The following TRIM42 variants were observed in gnomAD, a reference collection of about 807,000 sequenced individuals.
TRIM42 encodes tripartite motif-containing protein 42.
In TRIM42, 59 loss-of-function variants were observed where a neutral mutation model predicts 64.9. The observed-to-expected ratio is 0.91, with a 90% CI of 0.74 to 1.13. TRIM42 has a LOEUF of 1.13. TRIM42 is among the 50% of genes most tolerant of loss of function. The pLI, the probability that TRIM42 is intolerant of heterozygous loss-of-function variation, is 0.00. For synonymous variants in TRIM42, 354 were observed against 346.3 expected (o/e 1.02, Z -0.25); for missense variants, 878 against 929.5 (o/e 0.94, Z 0.72).
Position 140,688,272 on chromosome 3 carries a change from GC to G in TRIM42, c.1591del (p.His531ThrfsTer71), listed in dbSNP as rs778876740. 6.2e-7 allele frequency: 1 copy of G among 1,614,162 alleles called. No individual in the cohort carries two copies. The highest frequency in any genetic ancestry group is 8.5e-7 in the Non-Finnish European group (1 of 1,180,028). On this transcript the variant is annotated frameshift_variant, in exon 3 of 5. Transcript: ENST00000286349. LOFTEE classifies it high-confidence loss of function. Reference protein sequence around the residue: ...TFSTHSLGNQHIYQRSSSMLS... With the variant: ...TFSTHSLGNQXIYQRSSSMLS... ...TCAGCACCCACAGCCTCGGCAACCA[GC>G]ACATATACCAGCGAAGCTCCTCCAT... is the stretch of plus-strand genomic sequence containing the variant.
intron 4 of TRIM42, 57 bp from the exon 5 acceptor site, chr3:140,700,831 C>T (rs529099535): frequency 1.3e-6 from 2 of 1,529,082 alleles, no homozygotes; most frequent in East Asian, 2.3e-5. Context: ...CAGAAGGGCC[C>T]AGGCTACTGG....
intron 4 of TRIM42, among the ~76,000 whole-genome samples, chr3:140,697,864 T>C (rs914162937): frequency 3.3e-5 from 5 of 152,136 alleles, no homozygotes; most frequent in African/African-American, 1.2e-4. Context: ...TTTGTATTTT[T>C]AGTAGACACG....
intron 3 of TRIM42, 32 bp downstream of exon 3, chr3:140,688,574 G>A: frequency 6.5e-7 from 1 of 1,545,360 alleles, no homozygotes; most frequent in Non-Finnish European, 8.8e-7. Context: ...GTGGGGAAGT[G>A]GGAGGGTGTG....
rs138969036 is a variant in TRIM42 at position 140,684,164 on chromosome 3, A to G, written c.1039+1005A>G. Among the ~76,000 whole-genome samples the G allele has an allele frequency of 1.9e-3, 292 of 152,304 alleles. 2 individuals carry two copies. The highest frequency in any genetic ancestry group is 6.9e-3 in the African/African-American group (288 of 41,560). ...ATCTCAATAATGCTACAGTACAGGC[A>G]TTAAAATGTCCTCCATGGATAAGAC... On this transcript the variant is annotated intron_variant, in intron 2 of 4. Transcript: ENST00000286349.
chr3:140,680,376 ATCT>A (rs1178893511), intron 1 of TRIM42, among the ~76,000 whole-genome samples: 1 of 151,576 alleles, frequency 6.6e-6, no homozygotes, highest in Non-Finnish European at 1.5e-5. Context: ...CTCCATCTTA[ATCT>A]TTTTGTCACT....
At position 140,687,829 on chromosome 3, in the gene TRIM42, T is replaced by C. The variant is rs1409942178; in HGVS notation, c.1147T>C (p.Leu383=). The part of the protein sequence containing the change: ...RKEIRNGFLK[L]RSILQEKEKI... ...AGAGATCAGAAATGGCTTTCTCAAG[T>C]TGCGCAGCATTCTTCAGGAGAAAGA... The change falls in exon 3 of 5, where the codon TTG becomes CTG. Residue 383 remains leucine (L), a synonymous_variant. Coordinates refer to ENST00000286349, the MANE Select transcript of TRIM42 (RefSeq NM_152616.5). 2.5e-6 allele frequency: 4 copies of C among 1,614,108 alleles called. No homozygotes were observed. The highest frequency in any genetic ancestry group is 3.3e-5 in the Admixed American group (2 of 60,012).
chr3:140,683,489 A>G (rs1185089194), intron 2 of TRIM42, among the ~76,000 whole-genome samples: 1 of 152,212 alleles, frequency 6.6e-6, no homozygotes, highest in Non-Finnish European at 1.5e-5. Flanking sequence ...TAAAGATTCT[A>G]TAATCTTGAT....
intron 3 of TRIM42, among the ~76,000 whole-genome samples, chr3:140,690,102 G>A (rs556440293): frequency 1.3e-5 from 2 of 152,222 alleles, no homozygotes; most frequent in Admixed American, 6.5e-5. Flanking sequence ...TCATATTTTA[G>A]GATAATGGAA....
rs768337845 is a variant in TRIM42 at position 140,684,627 on chromosome 3, A to G, written c.1039+1468A>G. Among the ~76,000 whole-genome samples the G allele has an allele frequency of 2.0e-5, 3 of 152,144 alleles. 1 individual carries two copies. Among genetic ancestry groups the G allele is most frequent in the South Asian group, 2.1e-4 (1 of 4,822 alleles). On this transcript the variant is annotated intron_variant, in intron 2 of 4. Transcript: ENST00000286349. ...TTCAGGAATACCTTAATTTTTCTCA[A>G]TGGCCACATACCTGGAAACCTTGCT...
At chr3:140,694,688 C>A (rs1988804339) in intron 4 of TRIM42, among the ~76,000 whole-genome samples, 3 of 152,214 alleles carry the variant, frequency 2.0e-5, no homozygotes. Flanking sequence ...CCAAATGGGT[C>A]TCACTGGGTA....
rs61746494 is a variant in TRIM42, at chr3:140,678,569, T to A, written c.340T>A (p.Ser114Thr). 1.4e-3 allele frequency: 2,330 copies of A among 1,609,722 alleles called. 28 individuals carry two copies. The African/African-American group carries it at 0.028, about 20-fold the overall frequency. ...GGGCCGCCTCAGGAGCATCCATACC[T>A]CGTAAGTGCCAGGCACCAGATGTGG... ...HKGRLRSIHT[S>T]SKTALRTGSS... Residue 114 changes from serine (S) to threonine (T), a missense_variant and splice_region_variant, in exon 1 of 5, where the codon TCC (serine) becomes ACC (threonine). Transcript: ENST00000286349.
chr3:140,680,793 G>A, intron 1 of TRIM42: 2 of 704,690 alleles, frequency 2.8e-6, no homozygotes, highest in Non-Finnish European at 3.5e-6. Context: ...TATACACAGG[G>A]AGCATTCTCT....
chr3:140,681,958 C>T (rs1248765312), intron 1 of TRIM42, among the ~76,000 whole-genome samples: 3 of 151,022 alleles, frequency 2.0e-5, no homozygotes, highest in Admixed American at 6.6e-5. Flanking sequence ...ATTTAGACAA[C>T]GTTCTTGTCG....
At position 140,678,268 on chromosome 3, in the gene TRIM42, A is replaced by T. The variant is rs1409885711; in HGVS notation, c.39A>T (p.Thr13=). 1 of 1,614,034 alleles carries T rather than the reference A, an allele frequency of 6.2e-7. No homozygotes were observed. The highest frequency in any genetic ancestry group is 8.5e-7 in the Non-Finnish European group (1 of 1,180,022). The part of the protein sequence containing the change: ...TAMCVCCPCC[T]WQRCCPQLCS... ...TGTGCGTTTGCTGTCCATGTTGTAC[A>T]TGGCAGAGATGTTGTCCTCAGTTAT... The change falls in exon 1 of 5, where the codon ACA becomes ACT. Residue 13 remains threonine, a synonymous_variant. Coordinates refer to ENST00000286349, the MANE Select transcript of TRIM42 (RefSeq NM_152616.5).
chr3:140,695,883 G>A lies in TRIM42; in HGVS notation c.2085+4691G>A, dbSNP rs992302891. On this transcript the variant is annotated intron_variant, in intron 4 of 4. Coordinates refer to ENST00000286349, the MANE Select transcript of TRIM42 (RefSeq NM_152616.5). ...CCACCCACACACTCACAGTGACTCCGTGCCCTAAAATGAAACCAAGATGGT... is the reference window on the plus strand; with the variant it reads ...CCACCCACACACTCACAGTGACTCCATGCCCTAAAATGAAACCAAGATGGT... Among the ~76,000 whole-genome samples the A allele has an allele frequency of 2.6e-5, 4 of 152,116 alleles. No individual in the cohort carries two copies. In the East Asian group the frequency reaches 5.8e-4, roughly 22 times the overall value.
rs752919659 is a variant in TRIM42, at chr3:140,682,615, G to A, written c.495G>A (p.Leu165=). The A allele has an allele frequency of 9.3e-6, 15 of 1,614,044 alleles. No individual in the cohort carries two copies. Among genetic ancestry groups the A allele is most frequent in the Non-Finnish European group, 1.2e-5 (14 of 1,180,054 alleles). ...TCATGCTGCCCTGCAACCACAGCCT[G>A]TGCGAGAAGTGCCTGCGGCAGCTGC... ...HSFMLPCNHS[L]CEKCLRQLQK... is the part of the protein sequence containing the mutation. Residue 165 remains leucine, a synonymous_variant, in exon 2 of 5, where the codon CTG becomes CTA. Transcript: ENST00000286349.
intron 4 of TRIM42, among the ~76,000 whole-genome samples, chr3:140,695,048 C>T (rs1305529687): frequency 6.6e-6 from 1 of 152,018 alleles, no homozygotes; most frequent in Admixed American, 6.6e-5. Flanking sequence ...AGTTTGAGAC[C>T]AGACTGGGCA....
Position 140,678,485 on chromosome 3 carries a change from C to A in TRIM42, c.256C>A (p.Leu86Ile). ...GTGCTGCTGCACAGCCAGCAGCAAT[C>A]TCAACTGCTACTACTATGAGAGCCG... ...CKCCCTASSN[L>I]NCYYYESRCC... The change falls in exon 1 of 5, where the codon CTC becomes ATC. Residue 86 changes from leucine (L) to isoleucine (I), a missense_variant. Physicochemically the swap from Leu to Ile is conservative, Grantham distance 5. Transcript: ENST00000286349. 6.2e-7 allele frequency: 1 copy of A among 1,614,178 alleles called. No individual in the cohort carries two copies. Among genetic ancestry groups the A allele is most frequent in the South Asian group, 1.1e-5 (1 of 91,078 alleles).
At chr3:140,685,006 G>C (rs1393465461) in intron 2 of TRIM42, among the ~76,000 whole-genome samples, 2 of 152,072 alleles carry the variant, frequency 1.3e-5, no homozygotes, top group African/African-American at 2.4e-5. Flanking sequence ...CCAAATTCCA[G>C]GAAACCCAGC....
Sources: allele counts gnomAD v4.1 joint callset (sites outside exome capture counted in the v4.1 genomes callset), GRCh38; gene constraint gnomAD v4.1.1; transcripts MANE v1.5; gene names NCBI Gene and HGNC (gene_info 2026-07-23, HGNC 2026-07-21).